FAM20C: variants seen among roughly 807,000 people sequenced by gnomAD.
FAM20C encodes the protein FAM20C golgi associated secretory pathway kinase, also known as extracellular serine/threonine protein kinase FAM20C.
FAM20C carries 40 observed loss-of-function variants against 51.5 expected under a neutral mutation model. The observed-to-expected ratio is 0.78, with a 90% CI of 0.60 to 1.01. The LOEUF (loss-of-function observed/expected upper bound fraction) is 1.01. Ranked by LOEUF, FAM20C falls within the 50% of genes least tolerant of loss-of-function variation. The probability of loss-of-function intolerance (pLI) is 0.00; values close to 1 mark genes in which losing one functional copy is unlikely to be tolerated. For missense variants in FAM20C, 861 were observed against 844.7 expected (o/e 1.02, Z -0.24); for synonymous variants, 406 against 380.6 (o/e 1.07, Z -0.78).
At chr7:216,535 C>A (rs1786971374) in intron 3 of FAM20C, among the ~76,000 whole-genome samples, 1 of 151,878 alleles carries the variant, frequency 6.6e-6, no homozygotes, top group Non-Finnish European at 1.5e-5. Flanking sequence ...AGCCCTGGTC[C>A]TTGATGCTGG....
chr7:228,797 G>T (rs1352435529), intron 3 of FAM20C: 5 of 456,068 alleles, frequency 1.1e-5, no homozygotes, highest in South Asian at 4.6e-5. Context: ...CCTGCTGACG[G>T]CATGAGTGGG....
chr7:251,946 T>C (rs36147361), intron 5 of FAM20C, among the ~76,000 whole-genome samples: 81,345 of 152,052 alleles, frequency 0.53, 22,035 homozygotes, highest in Middle Eastern at 0.6. Context: ...ACGCAGCCCC[T>C]GGAACCCCAC....
Position 198,723 on chromosome 7 carries a change from C to T in FAM20C, c.784+2991C>T, listed in dbSNP as rs558771696. 9.2e-5 allele frequency among the ~76,000 whole-genome samples: 14 copies of T among 152,300 alleles called. No individual in the cohort carries two copies. The South Asian group carries it at 2.1e-3, about 23-fold the overall frequency. The stretch of plus-strand genomic sequence containing the variant: ...GCAAATACGAGTAAAGAGGTGAGAG[C>T]GGAGCCTGACAGCGCACCTGCTGGG... On this transcript the variant is annotated intron_variant, in intron 2 of 9. Coordinates refer to ENST00000313766, the MANE Select transcript of FAM20C (RefSeq NM_020223.4).
intron 6 of FAM20C, chr7:256,341 C>A: frequency 1.7e-6 from 1 of 571,766 alleles, no homozygotes. Flanking sequence ...GAAACGGCCC[C>A]TGTTCTTTCC....
At chr7:246,357 C>T (rs1788158524) in intron 3 of FAM20C, 58 bp from the exon 4 acceptor site, 15 of 1,427,056 alleles carry the variant, frequency 1.1e-5, no homozygotes, top group Non-Finnish European at 1.1e-5. Context: ...CGCCTGCCTC[C>T]GGCCCCTGGA....
At chr7:207,392 G>A (rs1192731235) in intron 2 of FAM20C, among the ~76,000 whole-genome samples, 1 of 152,206 alleles carries the variant, frequency 6.6e-6, no homozygotes, top group Non-Finnish European at 1.5e-5. Context: ...CCCCGCACAC[G>A]TGCTCACTGT....
At chr7:206,615 T>G (rs1486441344) in intron 2 of FAM20C, among the ~76,000 whole-genome samples, 75 of 113,534 alleles carry the variant, frequency 6.6e-4, no homozygotes, top group African/African-American at 2.1e-3. Flanking sequence ...GTGACGCGTC[T>G]GTCATGGTCC....
At chr7:243,780 G>A (rs1388407845) in intron 3 of FAM20C, among the ~76,000 whole-genome samples, 11 of 151,846 alleles carry the variant, frequency 7.2e-5, no homozygotes, top group East Asian at 1.9e-4. Flanking sequence ...AGACCTGGGC[G>A]CCGCCTCTGC....
intron 6 of FAM20C, 49 bp from the exon 7 acceptor site, chr7:256,605 C>A (rs1562399893): frequency 2.1e-6 from 3 of 1,444,308 alleles, no homozygotes; most frequent in Non-Finnish European, 2.8e-6. Flanking sequence ...ACGCGCCGGG[C>A]TCCCCAGAAT....
At chr7:208,401 G>C (rs975202543) in intron 2 of FAM20C, among the ~76,000 whole-genome samples, 5 of 150,462 alleles carry the variant, frequency 3.3e-5, no homozygotes, top group Non-Finnish European at 5.9e-5. Context: ...ATGACTGTGG[G>C]GTGTGTGCTG....
At chr7:212,537 G>A (rs905425186) in intron 3 of FAM20C, among the ~76,000 whole-genome samples, 3 of 152,130 alleles carry the variant, frequency 2.0e-5, no homozygotes, top group Non-Finnish European at 4.4e-5. Flanking sequence ...CTAGTACAAC[G>A]TCGTGAATTA....
intron 8 of FAM20C, among the ~76,000 whole-genome samples, chr7:257,841 G>A (rs1788660574): frequency 7.9e-6 from 1 of 126,684 alleles, no homozygotes; most frequent in African/African-American, 3.1e-5. Flanking sequence ...TGGGCAGGGT[G>A]GACCCACTGC....
At chr7:257,672 C>T (rs1198609877) in intron 8 of FAM20C, among the ~76,000 whole-genome samples, 1 of 152,238 alleles carries the variant, frequency 6.6e-6, no homozygotes. Flanking sequence ...CTCGGCTGCC[C>T]AGGACCCTTC....
chr7:256,812 A>T, intron 7 of FAM20C, 49 bp downstream of exon 7: 1 of 1,507,536 alleles, frequency 6.6e-7, no homozygotes, highest in Non-Finnish European at 8.9e-7. Context: ...CCTTGCGTGG[A>T]GCGGATGCAC....
intron 1 of FAM20C, 58 bp from the exon 2 acceptor site, chr7:195,496 A>G: frequency 7.3e-7 from 1 of 1,376,974 alleles, no homozygotes; most frequent in Non-Finnish European, 9.5e-7. Flanking sequence ...TCTCCCCGTC[A>G]TCCGACTCAC....
intron 3 of FAM20C, among the ~76,000 whole-genome samples, chr7:232,062 G>A (rs1026187083): frequency 2.6e-5 from 4 of 152,196 alleles, no homozygotes; most frequent in African/African-American, 4.8e-5. Flanking sequence ...ACGCTGAGCC[G>A]GGGAAGGCAT....
intron 3 of FAM20C, among the ~76,000 whole-genome samples, chr7:227,386 C>G (rs1021696199): frequency 1.3e-5 from 2 of 151,992 alleles, no homozygotes; most frequent in Non-Finnish European, 2.9e-5. Flanking sequence ...AAGGAAACTG[C>G]AGATTTAAGA....
rs1289498298 is a variant in FAM20C at position 260,579 on chromosome 7, G to A, written c.*599G>A. ...GGAGGACCCGATGACCAGGCGTCCT[G>A]CGAGTCCGCCCGCTGGCCTGCAGCA... is the stretch of plus-strand genomic sequence containing the variant. On this transcript the variant is annotated 3_prime_UTR_variant, in exon 10 of 10. Coordinates refer to ENST00000313766, the MANE Select transcript of FAM20C (RefSeq NM_020223.4). 1 of 152,362 alleles carries A rather than the reference G, an allele frequency of 6.6e-6. No homozygotes were observed. The highest frequency in any genetic ancestry group is 1.5e-5 in the Non-Finnish European group (1 of 68,132). The allele number at this position is 152,362 out of a possible 1,614,324, so 9.4% of individuals were successfully genotyped here. A position where few individuals can be genotyped will look rare whatever the true frequency, so the allele number is the denominator to read the frequency against.
At chr7:228,923 C>A in intron 3 of FAM20C, 1 of 409,358 alleles carries the variant, frequency 2.4e-6, no homozygotes, top group Non-Finnish European at 5.0e-6. Flanking sequence ...GGAGCCCCTT[C>A]CAAGACCGCC....
Sources: allele counts gnomAD v4.1 joint callset (sites outside exome capture counted in the v4.1 genomes callset), GRCh38; gene constraint gnomAD v4.1.1; transcripts MANE v1.5; gene names NCBI Gene and HGNC (gene_info 2026-07-23, HGNC 2026-07-21).